CAMK1D: variants seen among roughly 807,000 people sequenced by gnomAD.
CAMK1D encodes calcium/calmodulin-dependent protein kinase type 1D.
CAMK1D carries 9 observed loss-of-function variants against 47.7 expected under a neutral mutation model. The ratio of observed to expected loss-of-function variants is 0.19; its 90% CI spans 0.11 to 0.33. CAMK1D has a LOEUF of 0.33. Among genes scored for constraint, CAMK1D ranks in the 10% least tolerant of loss-of-function variants. CAMK1D has a pLI of 1.00. For missense variants in CAMK1D, 291 were observed against 488.7 expected (o/e 0.60, Z 3.81); for synonymous variants, 184 against 184.9 (o/e 0.99, Z 0.04).
At chr10:12,808,214 C>G (rs1345876979) in intron 6 of CAMK1D, among the ~76,000 whole-genome samples, 1 of 152,230 alleles carries the variant, frequency 6.6e-6, no homozygotes, top group Non-Finnish European at 1.5e-5. Flanking sequence ...CTTGCACGCC[C>G]TTGTATACCC....
intron 2 of CAMK1D, among the ~76,000 whole-genome samples, chr10:12,648,320 G>A (rs182940096): frequency 6.8e-4 from 104 of 152,224 alleles, no homozygotes; most frequent in African/African-American, 2.3e-3. Context: ...TGATTCCCAG[G>A]TTCCCCCTGC....
chr10:12,726,815 G>A (rs530947960), intron 3 of CAMK1D, among the ~76,000 whole-genome samples: 1 of 152,330 alleles, frequency 6.6e-6, no homozygotes, highest in South Asian at 2.1e-4. Context: ...TTTCAAACAT[G>A]GGACAGAGTT....
chr10:12,804,242 TACAC>T (rs1043945098), intron 6 of CAMK1D, among the ~76,000 whole-genome samples: 6 of 152,170 alleles, frequency 3.9e-5, no homozygotes, highest in African/African-American at 1.2e-4. Flanking sequence ...CTTAAGTCAG[TACAC>T]ACACACAAGC....
intron 4 of CAMK1D, among the ~76,000 whole-genome samples, chr10:12,761,987 T>A (rs1050693720): frequency 2.0e-5 from 3 of 152,232 alleles, no homozygotes; most frequent in Non-Finnish European, 2.9e-5. Flanking sequence ...CACAGAAGGA[T>A]CTGGGCCTTA....
chr10:12,687,475 C>G lies in CAMK1D; in HGVS notation c.299+20665C>G, dbSNP rs148960407. Among the ~76,000 whole-genome samples the G allele has an allele frequency of 1.7e-3, 257 of 152,218 alleles. 1 individual carries two copies. In the Middle Eastern group the frequency reaches 0.017, roughly 10 times the overall value. ...TGATTGTGGAATCTCTGTGAGCTGA[C>G]GAGCTCCTAATTTTGTTGTAATGTG... On this transcript the variant is annotated intron_variant, in intron 3 of 10. Coordinates refer to ENST00000619168, the MANE Select transcript of CAMK1D (RefSeq NM_153498.4).
At chr10:12,409,248 C>T (rs1328812308) in intron 1 of CAMK1D, among the ~76,000 whole-genome samples, 1 of 152,142 alleles carries the variant, frequency 6.6e-6, no homozygotes, top group African/African-American at 2.4e-5. Flanking sequence ...TGAGCAGGCA[C>T]CGAGACCCCT....
intron 3 of CAMK1D, among the ~76,000 whole-genome samples, chr10:12,743,355 A>AAAAAAAAAAAG (rs1461631779): frequency 1.7e-5 from 2 of 118,154 alleles, no homozygotes; most frequent in African/African-American, 5.7e-5. Flanking sequence ...TCAAAAAAAA[A>AAAAAAAAAAAG]AAAAGAAAAA....
chr10:12,462,893 G>A (rs926281149), intron 1 of CAMK1D, among the ~76,000 whole-genome samples: 1 of 152,184 alleles, frequency 6.6e-6, no homozygotes, highest in African/African-American at 2.4e-5. Context: ...TAAGGTAATG[G>A]AGTCCTCTGC....
At chr10:12,507,256 G>T (rs1834904103) in intron 1 of CAMK1D, among the ~76,000 whole-genome samples, 2 of 152,330 alleles carry the variant, frequency 1.3e-5, no homozygotes, top group South Asian at 4.1e-4. Flanking sequence ...ACACAAAGAG[G>T]CTAAAAGAGC....
chr10:12,443,898 G>C (rs1264293752), intron 1 of CAMK1D, among the ~76,000 whole-genome samples: 1 of 152,158 alleles, frequency 6.6e-6, no homozygotes, highest in Non-Finnish European at 1.5e-5. Context: ...CCAGAGTTCT[G>C]GGATTATAGG....
At chr10:12,710,210 A>G (rs1407244634) in intron 3 of CAMK1D, among the ~76,000 whole-genome samples, 4 of 152,164 alleles carry the variant, frequency 2.6e-5, no homozygotes, top group Non-Finnish European at 4.4e-5. Context: ...TTCTTCTTTA[A>G]TTTTCCCACT....
chr10:12,824,070 G>T (rs1425018443), intron 8 of CAMK1D, among the ~76,000 whole-genome samples: 1 of 152,006 alleles, frequency 6.6e-6, no homozygotes, highest in African/African-American at 2.4e-5. Context: ...TGGAGGTGGC[G>T]CATGGTGGCT....
At chr10:12,362,681 T>A (rs780494503) in intron 1 of CAMK1D, among the ~76,000 whole-genome samples, 2 of 152,108 alleles carry the variant, frequency 1.3e-5, no homozygotes, top group African/African-American at 2.4e-5. Context: ...TTTTTTATTT[T>A]TTTTATTTTT....
intron 3 of CAMK1D, among the ~76,000 whole-genome samples, chr10:12,682,667 A>T (rs1365712872): frequency 6.6e-6 from 1 of 152,236 alleles, no homozygotes; most frequent in African/African-American, 2.4e-5. Flanking sequence ...CTTAGTAATC[A>T]TCAAATGCAA....
intron 1 of CAMK1D, among the ~76,000 whole-genome samples, chr10:12,483,390 A>T (rs1834120355): frequency 6.6e-6 from 1 of 152,056 alleles, no homozygotes; most frequent in South Asian, 2.1e-4. Context: ...TTGTAGAGAC[A>T]GGGTCTTGCT....
rs143651685 is a variant in CAMK1D, at chr10:12,739,132, G to A, written c.300-21816G>A. Among the ~76,000 whole-genome samples the A allele has an allele frequency of 8.4e-3, 1,285 of 152,202 alleles. 25 individuals are homozygous for A. The highest frequency in any genetic ancestry group is 0.03 in the African/African-American group (1,233 of 41,524). ...TGTACTTGTGGTCTCAGCTACTCAG[G>A]AGGTTGAGGCAGGAGGATCGCTTAA... On this transcript the variant is annotated intron_variant, in intron 3 of 10. Transcript: ENST00000619168.
chr10:12,674,599 C>CTTTTTTTTTTTTTTTTTTT (rs11391139), intron 3 of CAMK1D, among the ~76,000 whole-genome samples: 4 of 63,472 alleles, frequency 6.3e-5, no homozygotes, highest in Admixed American at 2.0e-4. Context: ...TGGAAAAATG[C>CTTTTTTTTTTTTTTTTTTT]TTTTTTTTTT....
chr10:12,662,739 A>G (rs1840311570), intron 2 of CAMK1D, among the ~76,000 whole-genome samples: 1 of 152,156 alleles, frequency 6.6e-6, no homozygotes, highest in South Asian at 2.1e-4. Flanking sequence ...ATATTCAGTA[A>G]TTAACTATGT....
chr10:12,503,972 T>A (rs1834786762), intron 1 of CAMK1D, among the ~76,000 whole-genome samples: 1 of 152,088 alleles, frequency 6.6e-6, no homozygotes, highest in Non-Finnish European at 1.5e-5. Flanking sequence ...GGAAAACAGT[T>A]CCACAGGGCA....
Sources: gnomAD v4.1 joint callset for allele counts (sites outside exome capture counted in the v4.1 genomes callset) on GRCh38, gnomAD v4.1.1 for gene constraint, MANE v1.5 for transcripts, NCBI Gene and HGNC (gene_info 2026-07-23, HGNC 2026-07-21) for gene names.